The following ROR1 variants were observed in gnomAD, a reference collection of about 807,000 sequenced individuals.
The protein encoded by ROR1 is inactive tyrosine-protein kinase transmembrane receptor ROR1.
In ROR1, 19 loss-of-function variants were observed where a neutral mutation model predicts 78.8. The ratio of observed to expected loss-of-function variants is 0.24; its 90% CI spans 0.17 to 0.35. The LOEUF (loss-of-function observed/expected upper bound fraction) is 0.35, where lower values mean the gene tolerates loss of function less well. Ranked by LOEUF, ROR1 falls within the 10% of genes least tolerant of loss-of-function variation. The pLI, the probability that ROR1 is intolerant of heterozygous loss-of-function variation, is 1.00. For synonymous variants in ROR1, 386 were observed against 433.6 expected, an observed-to-expected ratio of 0.89 and a Z score of 1.36; for missense variants, 917 against 1,177.8, an observed-to-expected ratio of 0.78 and a Z score of 3.24.
At position 63,805,232 on chromosome 1, in the gene ROR1, G is replaced by A. The variant is rs75309697; in HGVS notation, c.91+30724G>A. Among the ~76,000 whole-genome samples the A allele has an allele frequency of 2.4e-4, 37 of 152,334 alleles. No individual in the cohort carries two copies. The East Asian group carries it at 7.0e-3, about 29-fold the overall frequency. On this transcript the variant is annotated intron_variant, in intron 1 of 8. Coordinates refer to ENST00000371079, the MANE Select transcript of ROR1 (RefSeq NM_005012.4). ...ATAAAAGCAGCACCTGATCAGGGAG[G>A]GGAAGGAACGAGGAGGGAGAGGGAC...
chr1:63,978,892 C>T (rs1388920503), intron 1 of ROR1, among the ~76,000 whole-genome samples: 4 of 152,134 alleles, frequency 2.6e-5, no homozygotes, highest in Non-Finnish European at 5.9e-5. Context: ...AGGTTGGAGA[C>T]CAGGAAAGGG....
At chr1:63,903,376 G>C (rs918244925) in intron 1 of ROR1, among the ~76,000 whole-genome samples, 4 of 151,812 alleles carry the variant, frequency 2.6e-5, no homozygotes, top group African/African-American at 9.7e-5. Flanking sequence ...CCCACTTGAT[G>C]ATGTCATTCA....
intron 1 of ROR1, among the ~76,000 whole-genome samples, chr1:63,839,184 C>T (rs2100310603): frequency 6.6e-6 from 1 of 152,260 alleles, no homozygotes; most frequent in South Asian, 2.1e-4. Context: ...TCAGATCTGT[C>T]CATCTAAGAT....
chr1:63,915,591 C>A (rs558914726), intron 1 of ROR1, among the ~76,000 whole-genome samples: 11 of 152,182 alleles, frequency 7.2e-5, no homozygotes, highest in Admixed American at 7.2e-4. Context: ...GGACTTAGAG[C>A]CCACAACATC....
chr1:64,054,811 G>A (rs1646861211), intron 4 of ROR1, among the ~76,000 whole-genome samples: 1 of 152,126 alleles, frequency 6.6e-6, no homozygotes, highest in African/African-American at 2.4e-5. Context: ...AGTTCTGGAG[G>A]CTAGAAGTAT....
chr1:63,810,221 G>A (rs1644852077), intron 1 of ROR1, among the ~76,000 whole-genome samples: 1 of 152,246 alleles, frequency 6.6e-6, no homozygotes, highest in African/African-American at 2.4e-5. Context: ...AAGCCTTTGG[G>A]TTGATTTGGG....
chr1:63,851,976 G>A (rs1645116676), intron 1 of ROR1, among the ~76,000 whole-genome samples: 1 of 152,222 alleles, frequency 6.6e-6, no homozygotes, highest in East Asian at 1.9e-4. Context: ...TTCGCTCATT[G>A]GATTTTAAGA....
At chr1:63,981,863 CCTT>C (rs1486662125) in intron 1 of ROR1, among the ~76,000 whole-genome samples, 2 of 152,178 alleles carry the variant, frequency 1.3e-5, no homozygotes, top group African/African-American at 4.8e-5. Context: ...TCACATACTC[CCTT>C]CTTCTTTTTG....
chr1:64,073,965 GT>G (rs1168370669), intron 4 of ROR1, among the ~76,000 whole-genome samples: 1 of 152,238 alleles, frequency 6.6e-6, no homozygotes, highest in African/African-American at 2.4e-5. Flanking sequence ...CTGCTTGGCA[GT>G]TCTTAACGGG....
At chr1:64,104,975 C>T (rs1452900504) in intron 4 of ROR1, among the ~76,000 whole-genome samples, 1 of 152,078 alleles carries the variant, frequency 6.6e-6, no homozygotes, top group Non-Finnish European at 1.5e-5. Flanking sequence ...GGGCATATAC[C>T]CAGTAATGGG....
In ROR1 at chr1:63,863,788, ATTGTATTGTATTGTAT is replaced by A. The variant is rs1473846545; in HGVS notation, c.91+89281_91+89296del. 8.0e-3 allele frequency among the ~76,000 whole-genome samples: 1,182 copies of A among 146,834 alleles called. 20 individuals carry two copies. The highest frequency in any genetic ancestry group is 0.024 in the African/African-American group (934 of 38,170). ...ATTGTATTGTATTGTATTGTATTGT[ATTGTATTGTATTGTAT>A]CATAGATGGCGATACTTGTTCAGTT... On this transcript the variant is annotated intron_variant, in intron 1 of 8. Coordinates refer to ENST00000371079, the MANE Select transcript of ROR1 (RefSeq NM_005012.4).
intron 1 of ROR1, among the ~76,000 whole-genome samples, chr1:63,914,340 T>C (rs529743878): frequency 1.3e-5 from 2 of 152,284 alleles, no homozygotes; most frequent in East Asian, 3.9e-4. Flanking sequence ...TCTAGGAAAG[T>C]GGAGGGACAG....
chr1:63,896,602 T>C (rs855825), intron 1 of ROR1, among the ~76,000 whole-genome samples: 127,628 of 152,210 alleles, frequency 0.84, 54,920 homozygotes, highest in East Asian at 1. Flanking sequence ...AGTAAGATGG[T>C]GATATTGGCG....
chr1:63,789,659 C>T, intron 1 of ROR1, among the ~76,000 whole-genome samples: 1 of 150,326 alleles, frequency 6.7e-6, no homozygotes, highest in East Asian at 1.9e-4. Flanking sequence ...GAAAAAAACA[C>T]CCATCCTTCC....
chr1:63,806,629 T>C (rs1644831755), intron 1 of ROR1, among the ~76,000 whole-genome samples: 1 of 152,230 alleles, frequency 6.6e-6, no homozygotes, highest in Non-Finnish European at 1.5e-5. Flanking sequence ...GACTATTTAA[T>C]TTTTGTAAAT....
intron 1 of ROR1, among the ~76,000 whole-genome samples, chr1:63,918,509 G>A (rs1645627907): frequency 3.3e-5 from 5 of 152,198 alleles, no homozygotes; most frequent in Admixed American, 2.6e-4. Flanking sequence ...ACTCTCTAGA[G>A]CGTTTGTGAC....
In ROR1 at chr1:63,870,216, A is replaced by G. The variant is rs1049321161; in HGVS notation, c.91+95708A>G. Among the ~76,000 whole-genome samples the G allele has an allele frequency of 3.9e-5, 6 of 152,290 alleles. No individual in the cohort carries two copies. In the South Asian group the frequency reaches 8.3e-4, roughly 21 times the overall value. On this transcript the variant is annotated intron_variant, in intron 1 of 8. Coordinates refer to ENST00000371079, the MANE Select transcript of ROR1 (RefSeq NM_005012.4). ...CCCCATTCTCCTCTCCCCATACACC[A>G]TAATATTATTCATGTATGCTCTCAA...
intron 1 of ROR1, among the ~76,000 whole-genome samples, chr1:63,818,360 A>AT (rs1476180154): frequency 6.6e-6 from 1 of 152,162 alleles, no homozygotes; most frequent in East Asian, 1.9e-4. Flanking sequence ...ATAGAAATGT[A>AT]TTTTTTTCCT....
chr1:63,954,578 A>G (rs778351955), intron 1 of ROR1, among the ~76,000 whole-genome samples: 1 of 152,190 alleles, frequency 6.6e-6, no homozygotes, highest in Admixed American at 6.5e-5. Flanking sequence ...CTCAGTATCC[A>G]TGGGTTTTTG....
Sources: allele counts gnomAD v4.1 joint callset (sites outside exome capture counted in the v4.1 genomes callset), GRCh38; gene constraint gnomAD v4.1.1; transcripts MANE v1.5; gene names NCBI Gene and HGNC (gene_info 2026-07-23, HGNC 2026-07-21).